CDH13: variants seen among roughly 807,000 people sequenced by gnomAD.
The protein encoded by CDH13 is cadherin-13.
Under a neutral mutation model 63.8 loss-of-function variants are expected in CDH13, and 24 were observed. The observed-to-expected ratio is 0.38, with a 90% CI of 0.27 to 0.53. The LOEUF is 0.53. CDH13 is among the 20% of genes least tolerant of loss of function. CDH13 has a pLI of 0.85. For missense variants in CDH13, 1,049 were observed against 903.1 expected, an observed-to-expected ratio of 1.16 and a Z score of -2.07; for synonymous variants, 503 against 355.3, an observed-to-expected ratio of 1.42 and a Z score of -4.67.
intron 2 of CDH13, among the ~76,000 whole-genome samples, chr16:83,005,831 T>G (rs145944687): frequency 6.6e-6 from 1 of 152,242 alleles, no homozygotes; most frequent in South Asian, 2.1e-4. Context: ...GCAGAGGATT[T>G]AAGAGGCCTG....
intron 7 of CDH13, among the ~76,000 whole-genome samples, chr16:83,514,610 A>C (rs1444417242): frequency 6.6e-6 from 1 of 152,128 alleles, no homozygotes; most frequent in Admixed American, 6.5e-5. Context: ...ATACCACTGC[A>C]CTCCGGCCTG....
chr16:82,884,731 C>G (rs1206456882), intron 2 of CDH13, among the ~76,000 whole-genome samples: 1 of 152,206 alleles, frequency 6.6e-6, no homozygotes, highest in Non-Finnish European at 1.5e-5. Context: ...TTTTTCTCAG[C>G]CAACAAGACT....
chr16:83,527,081 A>C (rs1460132292), intron 7 of CDH13, among the ~76,000 whole-genome samples: 3 of 151,936 alleles, frequency 2.0e-5, no homozygotes, highest in Admixed American at 6.6e-5. Context: ...CTGTAAGCCG[A>C]GATTATGCCA....
rs532681636 is a variant in CDH13 at position 83,544,264 on chromosome 16, C to A, written c.960+57609C>A. On this transcript the variant is annotated intron_variant, in intron 7 of 13. Transcript: ENST00000567109. ...TGGAGTGTTAAAGTCCTAAATAAAA[C>A]CCAGTCTATAGGACGATTGAGTCTG... 9.2e-5 allele frequency among the ~76,000 whole-genome samples: 14 copies of A among 152,236 alleles called. No individual in the cohort carries two copies. In the East Asian group the frequency reaches 2.7e-3, roughly 29 times the overall value.
chr16:83,212,261 T>A (rs1001255470), intron 4 of CDH13, among the ~76,000 whole-genome samples: 2 of 151,950 alleles, frequency 1.3e-5, no homozygotes, highest in African/African-American at 4.8e-5. Context: ...ATACCTCCCA[T>A]CCCCCAGTTC....
chr16:83,695,312 C>G (rs981320791), intron 10 of CDH13, among the ~76,000 whole-genome samples: 2 of 152,250 alleles, frequency 1.3e-5, no homozygotes, highest in Non-Finnish European at 2.9e-5. Context: ...TCACATATGA[C>G]TCAGCATGGC....
At chr16:83,754,527 G>T (rs1039905718) in intron 11 of CDH13, among the ~76,000 whole-genome samples, 1 of 152,146 alleles carries the variant, frequency 6.6e-6, no homozygotes, top group Admixed American at 6.6e-5. Flanking sequence ...ATCTTGAATT[G>T]TACTCCCATA....
In CDH13 at chr16:83,623,613, C is replaced by A. The variant is rs545549779; in HGVS notation, c.1101+21019C>A. 1.3e-4 allele frequency among the ~76,000 whole-genome samples: 20 copies of A among 152,308 alleles called. No individual in the cohort carries two copies. In the East Asian group the frequency reaches 3.5e-3, roughly 26 times the overall value. ...AGGAACAGGTGTCTTTGCTAATCGC[C>A]CCTGAATGCACGGTTCAATTCAGGG... On this transcript the variant is annotated intron_variant, in intron 8 of 13. Coordinates refer to ENST00000567109, the MANE Select transcript of CDH13 (RefSeq NM_001257.5).
At chr16:82,988,921 A>C (rs1036451962) in intron 2 of CDH13, among the ~76,000 whole-genome samples, 11 of 152,280 alleles carry the variant, frequency 7.2e-5, no homozygotes, top group Middle Eastern at 3.4e-3. Flanking sequence ...GTGAGACTCT[A>C]CGTTCCTTGA....
At chr16:83,444,374 A>ATT (rs935155316) in intron 6 of CDH13, among the ~76,000 whole-genome samples, 1 of 152,198 alleles carries the variant, frequency 6.6e-6, no homozygotes, top group African/African-American at 2.4e-5. Context: ...TGATTTTCCC[A>ATT]TTTTAAAGAT....
At chr16:83,333,769 T>A (rs11149558) in intron 5 of CDH13, among the ~76,000 whole-genome samples, 151,117 of 152,308 alleles carry the variant, frequency 0.99, 74,977 homozygotes, top group Middle Eastern at 1. Flanking sequence ...ACATGACCCA[T>A]TTTGCCCAGG....
chr16:83,214,113 G>A (rs550226830), intron 4 of CDH13, among the ~76,000 whole-genome samples: 1 of 151,816 alleles, frequency 6.6e-6, no homozygotes, highest in African/African-American at 2.4e-5. Flanking sequence ...TCCACACCGT[G>A]GAAGCTTTGT....
chr16:82,944,006 A>G (rs796083773), intron 2 of CDH13, among the ~76,000 whole-genome samples: 27 of 152,300 alleles, frequency 1.8e-4, no homozygotes, highest in African/African-American at 5.1e-4. Flanking sequence ...GAATGCACTC[A>G]GATAGCCCTT....
rs568069971 is a variant in CDH13, at chr16:82,965,755, A to C, written c.158-66255A>C. Among the ~76,000 whole-genome samples the C allele has an allele frequency of 3.3e-5, 5 of 152,304 alleles. No individual in the cohort carries two copies. In the South Asian group the frequency reaches 1.0e-3, roughly 32 times the overall value. ...TGATCTGCCAGCCTCAGTCTCCCAA[A>C]GTGCTGGGATTACAGGCATGAGCCA... On this transcript the variant is annotated intron_variant, in intron 2 of 13. Transcript: ENST00000567109.
intron 6 of CDH13, among the ~76,000 whole-genome samples, chr16:83,349,751 C>T (rs778178580): frequency 2.4e-4 from 36 of 152,226 alleles, no homozygotes; most frequent in Non-Finnish European, 3.4e-4. Context: ...CAGACACCTG[C>T]CACCACGCCC....
At chr16:83,157,408 A>T (rs185872991) in intron 4 of CDH13, among the ~76,000 whole-genome samples, 2 of 152,310 alleles carry the variant, frequency 1.3e-5, no homozygotes, top group East Asian at 3.9e-4. Context: ...GGTCAATTGG[A>T]TGAGTCAGAG....
At chr16:82,641,867 G>C (rs1382800705) in intron 1 of CDH13, among the ~76,000 whole-genome samples, 1 of 152,122 alleles carries the variant, frequency 6.6e-6, no homozygotes, top group African/African-American at 2.4e-5. Context: ...TGAACAGGTA[G>C]GTATGTGATG....
chr16:83,054,682 G>T (rs1190212817), intron 3 of CDH13, among the ~76,000 whole-genome samples: 7 of 152,092 alleles, frequency 4.6e-5, no homozygotes, highest in Non-Finnish European at 1.0e-4. Flanking sequence ...GGTGACTGGT[G>T]TATAAAATAA....
intron 1 of CDH13, among the ~76,000 whole-genome samples, chr16:82,759,141 G>C (rs989002039): frequency 6.6e-6 from 1 of 152,178 alleles, no homozygotes; most frequent in African/African-American, 2.4e-5. Flanking sequence ...AAATGGCCCG[G>C]CTTCCTGTGA....
Sources: gnomAD v4.1 joint callset for allele counts (sites outside exome capture counted in the v4.1 genomes callset) on GRCh38, gnomAD v4.1.1 for gene constraint, MANE v1.5 for transcripts, NCBI Gene and HGNC (gene_info 2026-07-23, HGNC 2026-07-21) for gene names.